The following ADAMTS3 variants were observed in gnomAD, a reference collection of about 807,000 sequenced individuals.
ADAMTS3 encodes the protein A disintegrin and metalloproteinase with thrombospondin motifs 3.
In ADAMTS3, 73 loss-of-function variants were observed where a neutral mutation model predicts 129.0. That is an observed-to-expected ratio of 0.57 (90% CI 0.47 to 0.69). ADAMTS3 has a LOEUF of 0.69. Among genes scored for constraint, ADAMTS3 ranks in the 30% least tolerant of loss-of-function variants. The pLI is 0.00. For synonymous variants in ADAMTS3, 477 were observed against 510.8 expected (o/e 0.93, Z 0.89); for missense variants, 1,457 against 1,514.5 (o/e 0.96, Z 0.63).
chr4:72,462,045 C>A (rs1261312200), intron 3 of ADAMTS3, among the ~76,000 whole-genome samples: 1 of 151,852 alleles, frequency 6.6e-6, no homozygotes, highest in Non-Finnish European at 1.5e-5. Context: ...AAGAAAACAT[C>A]CCTGGCCTCA....
At chr4:72,462,905 G>A (rs568902575) in intron 3 of ADAMTS3, among the ~76,000 whole-genome samples, 10 of 152,006 alleles carry the variant, frequency 6.6e-5, no homozygotes, top group Non-Finnish European at 8.8e-5. Flanking sequence ...TAAATTTAGT[G>A]TAGCCTAAGT....
intron 3 of ADAMTS3, among the ~76,000 whole-genome samples, chr4:72,450,203 G>C (rs1231374234): frequency 1.3e-5 from 2 of 151,722 alleles, no homozygotes; most frequent in Non-Finnish European, 2.9e-5. Flanking sequence ...GTTTGAAAAA[G>C]AGGTGGACAA....
intron 3 of ADAMTS3, among the ~76,000 whole-genome samples, chr4:72,506,258 G>A (rs570151451): frequency 6.6e-6 from 1 of 152,288 alleles, no homozygotes; most frequent in African/African-American, 2.4e-5. Flanking sequence ...CCTGGCTCTG[G>A]AACAGAGAAG....
intron 4 of ADAMTS3, among the ~76,000 whole-genome samples, chr4:72,341,009 A>T (rs2109833326): frequency 6.6e-6 from 1 of 152,270 alleles, no homozygotes; most frequent in East Asian, 1.9e-4. Context: ...TTCATGCTGC[A>T]CTGGGGCTTG....
intron 3 of ADAMTS3, among the ~76,000 whole-genome samples, chr4:72,433,851 T>C (rs767249161): frequency 8.6e-5 from 13 of 151,838 alleles, no homozygotes; most frequent in Non-Finnish European, 1.3e-4. Context: ...ATTTTTAAAC[T>C]GTGGATGTTT....
chr4:72,452,890 G>T (rs1718443748), intron 3 of ADAMTS3, among the ~76,000 whole-genome samples: 1 of 151,734 alleles, frequency 6.6e-6, no homozygotes, highest in Admixed American at 6.6e-5. Context: ...GATCTCTGAA[G>T]GGATGTATCG....
At chr4:72,297,786 G>A (rs775435455) in intron 18 of ADAMTS3, among the ~76,000 whole-genome samples, 3 of 152,104 alleles carry the variant, frequency 2.0e-5, no homozygotes, top group Non-Finnish European at 4.4e-5. Context: ...CAACTGCGTA[G>A]GGCCATTGTG....
chr4:72,406,256 A>G (rs1470960887), intron 4 of ADAMTS3, among the ~76,000 whole-genome samples: 1 of 152,162 alleles, frequency 6.6e-6, no homozygotes, highest in Non-Finnish European at 1.5e-5. Flanking sequence ...GATACCATGC[A>G]AAAAAGATAG....
At chr4:72,288,630 G>T in intron 21 of ADAMTS3, 121 bp downstream of exon 21, 1 of 687,312 alleles carries the variant, frequency 1.5e-6, no homozygotes, top group Non-Finnish European at 2.6e-6. Context: ...TTTCACAGGT[G>T]TTTTCCTTTG....
chr4:72,532,843 C>A (rs778388425), intron 3 of ADAMTS3, among the ~76,000 whole-genome samples: 3 of 152,072 alleles, frequency 2.0e-5, no homozygotes, highest in South Asian at 4.1e-4. Context: ...GGTAAAAATA[C>A]GGTATAAAAG....
chr4:72,302,209 A>G (rs1383042089), intron 17 of ADAMTS3, among the ~76,000 whole-genome samples: 2 of 152,126 alleles, frequency 1.3e-5, no homozygotes, highest in African/African-American at 4.8e-5. Context: ...AATGTGATCC[A>G]TAAAAAAAAT....
chr4:72,409,043 T>C (rs1722122997), intron 4 of ADAMTS3, among the ~76,000 whole-genome samples: 1 of 152,016 alleles, frequency 6.6e-6, no homozygotes, highest in Non-Finnish European at 1.5e-5. Flanking sequence ...TCTGCACATG[T>C]AACCCAGAAC....
intron 12 of ADAMTS3, among the ~76,000 whole-genome samples, chr4:72,313,476 A>C (rs1719300204): frequency 6.6e-6 from 1 of 152,142 alleles, no homozygotes. Flanking sequence ...TCTTCGTTTG[A>C]TCTTCTTCAT....
intron 11 of ADAMTS3, 100 bp from the exon 12 acceptor site, chr4:72,313,922 T>C: frequency 7.4e-7 from 1 of 1,360,442 alleles, no homozygotes; most frequent in South Asian, 1.3e-5. Context: ...CTTACTGCTC[T>C]TTTTTCTTCC....
intron 3 of ADAMTS3, among the ~76,000 whole-genome samples, chr4:72,427,026 C>A (rs1445027217): frequency 1.3e-5 from 2 of 152,092 alleles, no homozygotes; most frequent in African/African-American, 4.8e-5. Context: ...TCTATTGCTG[C>A]CATAACAAAT....
intron 13 of ADAMTS3, among the ~76,000 whole-genome samples, chr4:72,311,619 AACAATGCATTTCTTCTTAATGCAT>A (rs1719238413): frequency 6.6e-6 from 1 of 152,150 alleles, no homozygotes; most frequent in South Asian, 2.1e-4. Flanking sequence ...AATAGATAAA[AACAATGCATTTCTTCTTAATGCAT>A]TGCAACTTTG....
At chr4:72,417,425 A>T (rs1452787735) in intron 3 of ADAMTS3, among the ~76,000 whole-genome samples, 1 of 152,200 alleles carries the variant, frequency 6.6e-6, no homozygotes, top group Non-Finnish European at 1.5e-5. Flanking sequence ...TTCAGGCCAC[A>T]TGATGTTATT....
intron 3 of ADAMTS3, among the ~76,000 whole-genome samples, chr4:72,484,811 C>A (rs1472357935): frequency 1.3e-5 from 2 of 151,856 alleles, no homozygotes; most frequent in African/African-American, 4.8e-5. Flanking sequence ...GGAAAAAGTC[C>A]AATTCTGGTT....
chr4:72,312,749 T>C (rs1375758025), intron 12 of ADAMTS3, among the ~76,000 whole-genome samples: 6 of 152,086 alleles, frequency 3.9e-5, no homozygotes, highest in Admixed American at 2.0e-4. Context: ...GTATATTGAA[T>C]CAATAAAATG....
Sources: allele counts gnomAD v4.1 joint callset (sites outside exome capture counted in the v4.1 genomes callset), GRCh38; gene constraint gnomAD v4.1.1; transcripts MANE v1.5; gene names NCBI Gene and HGNC (gene_info 2026-07-23, HGNC 2026-07-21).